Variants in PRKD3 observed in about 807,000 individuals in gnomAD.
PRKD3 encodes protein kinase D3.
In PRKD3, 47 loss-of-function variants were observed where a neutral mutation model predicts 99.2. That is an observed-to-expected ratio of 0.47 (90% CI 0.38 to 0.60). The LOEUF (loss-of-function observed/expected upper bound fraction) is 0.60, where lower values mean the gene tolerates loss of function less well. PRKD3 is among the 20% of genes least tolerant of loss of function. The pLI is 0.00. For missense variants in PRKD3, 1,019 were observed against 1,088.4 expected (o/e 0.94, Z 0.90); for synonymous variants, 392 against 355.4 (o/e 1.10, Z -1.16).
Position 37,252,490 on chromosome 2 carries a change from G to C in PRKD3, c.*687C>G, listed in dbSNP as rs1213076684. 1 of 152,168 alleles carries C rather than the reference G, an allele frequency of 6.6e-6. No homozygotes were observed. The highest frequency in any genetic ancestry group is 2.4e-5 in the African/African-American group (1 of 41,440). 9.4% of individuals were successfully genotyped at this position (152,168 alleles called of 1,614,324 possible). A position where few individuals can be genotyped will look rare whatever the true frequency, so the allele number is the denominator to read the frequency against. ...ATCTTAGAAGCTGTTGCAACACACA[G>C]AAGGTGACAATCCTTATGCTGTATA... On this transcript the variant is annotated 3_prime_UTR_variant, in exon 19 of 19. Coordinates refer to ENST00000234179, the MANE Select transcript of PRKD3 (RefSeq NM_005813.6).
At position 37,316,719 on chromosome 2, in the gene PRKD3, T is replaced by G. The variant is rs917159951; in HGVS notation, c.-195A>C. ...GAGTTGAATGCCCCAAAGGTCCTAT[T>G]TCTCTTAATATCAGTCCCATCAAAA... On this transcript the variant is annotated 5_prime_UTR_variant, in exon 2 of 19. Transcript: ENST00000234179. 1.4e-6 allele frequency: 2 copies of G among 1,416,038 alleles called. No individual in the cohort carries two copies. Among genetic ancestry groups the G allele is most frequent in the Admixed American group, 3.0e-5 (1 of 32,910 alleles). The allele number at this position is 1,416,038 out of a possible 1,614,324, so 87.7% of individuals were successfully genotyped here.
intron 4 of PRKD3, 66 bp downstream of exon 4, chr2:37,290,802 C>A: frequency 1.4e-6 from 2 of 1,465,550 alleles, no homozygotes; most frequent in Admixed American, 4.0e-5. Context: ...TGCTTTTTCA[C>A]TGATAATAAA....
intron 5 of PRKD3, 27 bp from the exon 6 acceptor site, chr2:37,286,396 G>C: frequency 6.3e-7 from 1 of 1,586,244 alleles, no homozygotes; most frequent in Non-Finnish European, 8.6e-7. Flanking sequence ...TTTCATAAGT[G>C]TAAGTCAATA....
intron 2 of PRKD3, among the ~76,000 whole-genome samples, chr2:37,304,762 G>GA (rs545472683): frequency 0.05 from 6,673 of 133,496 alleles, 161 homozygotes; most frequent in African/African-American, 0.058. Context: ...AAAAAGAAAA[G>GA]AAAAAAAAAA....
chr2:37,306,722 T>A (rs1163718305), intron 2 of PRKD3, among the ~76,000 whole-genome samples: 1 of 152,048 alleles, frequency 6.6e-6, no homozygotes, highest in Non-Finnish European at 1.5e-5. Flanking sequence ...GGTGGGAGGA[T>A]CAATTGAGCC....
At chr2:37,264,918 C>A (rs531141432) in intron 14 of PRKD3, among the ~76,000 whole-genome samples, 1 of 152,212 alleles carries the variant, frequency 6.6e-6, no homozygotes, top group South Asian at 2.1e-4. Context: ...TTGGATACTC[C>A]GGGATAAACT....
At position 37,253,214 on chromosome 2, in the gene PRKD3, A is replaced by G. The variant is rs1374597686; in HGVS notation, c.2636T>C (p.Met879Thr). Residue 879 changes from methionine (M) to threonine (T), a missense_variant, in exon 19 of 19, where the codon ATG becomes ACG. By Grantham distance (81) the Met-to-Thr change is moderately conservative. Transcript: ENST00000234179. ...HNLVYPKHFI[M>T]APNPDDMEED... The stretch of plus-strand genomic sequence containing the variant: ...TTCCATATCATCTGGATTAGGAGCC[A>G]TAATGAAGTGCTTTGGGTATACAAG... 2 of 1,611,870 alleles carry G rather than the reference A, an allele frequency of 1.2e-6. No homozygotes were observed. Among genetic ancestry groups the G allele is most frequent in the South Asian group, 1.1e-5 (1 of 90,566 alleles).
chr2:37,313,703 C>T (rs1187472483), intron 2 of PRKD3, among the ~76,000 whole-genome samples: 1 of 152,104 alleles, frequency 6.6e-6, no homozygotes, highest in Non-Finnish European at 1.5e-5. Context: ...AAGTATTAGT[C>T]CCTCACTTAA....
intron 2 of PRKD3, among the ~76,000 whole-genome samples, chr2:37,313,909 C>T (rs1023047870): frequency 1.3e-5 from 2 of 151,982 alleles, no homozygotes; most frequent in Admixed American, 1.3e-4. Flanking sequence ...AACTGTAAGC[C>T]AAGGAACATC....
At position 37,272,429 on chromosome 2, in the gene PRKD3, T is replaced by G. The variant is rs756592977; in HGVS notation, c.1655A>C (p.Asp552Ala). The change falls in exon 12 of 19, where the codon GAT (aspartate) becomes GCT (alanine). Residue 552 changes from aspartate (D) to alanine (A), a missense_variant. Physicochemically the swap from Asp to Ala is moderately radical, Grantham distance 126. Transcript: ENST00000234179. Reference sequence around the variant, plus strand: ...AGATACAGAGATACTTGTAGACAAATCTTCTGTAAAATATAAAAAAGACAA... The same window carrying G: ...AGATACAGAGATACTTGTAGACAAAGCTTCTGTAAAATATAAAAAAGACAA... ...TSPGQGKDHK[D>A]LSTSISVSNC... The G allele has an allele frequency of 6.2e-7, 1 of 1,601,730 alleles. No individual in the cohort carries two copies. The highest frequency in any genetic ancestry group is 1.8e-5 in the Admixed American group (1 of 56,464).
intron 2 of PRKD3, among the ~76,000 whole-genome samples, chr2:37,298,360 C>T (rs890250723): frequency 3.3e-5 from 5 of 151,890 alleles, no homozygotes; most frequent in Admixed American, 6.6e-5. Flanking sequence ...TGTTCTGCAG[C>T]TTGCTCTTTT....
intron 2 of PRKD3, among the ~76,000 whole-genome samples, chr2:37,303,648 G>A (rs1671036865): frequency 6.6e-6 from 1 of 152,088 alleles, no homozygotes; most frequent in African/African-American, 2.4e-5. Context: ...GTGGCGGACT[G>A]AGTAAACAGG....
intron 1 of PRKD3, among the ~76,000 whole-genome samples, chr2:37,321,586 G>A (rs1391450423): frequency 1.3e-5 from 2 of 152,138 alleles, no homozygotes; most frequent in African/African-American, 4.8e-5. Flanking sequence ...TTATTTCCCA[G>A]ACTGTTATGA....
At chr2:37,315,026 TAATG>T (rs1671598476) in intron 2 of PRKD3, among the ~76,000 whole-genome samples, 1 of 152,174 alleles carries the variant, frequency 6.6e-6, no homozygotes, top group South Asian at 2.1e-4. Flanking sequence ...CATCAGAAGA[TAATG>T]AATGATAAAC....
chr2:37,290,314 C>T (rs1670343975), intron 4 of PRKD3, among the ~76,000 whole-genome samples: 1 of 152,132 alleles, frequency 6.6e-6, no homozygotes, highest in African/African-American at 2.4e-5. Flanking sequence ...CTGCAACCTC[C>T]GTCACCCAGG....
rs377373102 is a variant in PRKD3, at chr2:37,316,350, T to C, written c.175A>G (p.Thr59Ala). ...SLTNSRGSVH[T>A]VSFLLQIGLT... ...CCAATTTGCAGTAGAAATGAAACTG[T>C]ATGCACTGAGCCTCTGGAGTTGGTG... Residue 59 changes from threonine to alanine, a missense_variant, in exon 2 of 19, where the codon ACA becomes GCA. Physicochemically the swap from Thr to Ala is moderately conservative, Grantham distance 58. Coordinates refer to ENST00000234179, the MANE Select transcript of PRKD3 (RefSeq NM_005813.6). 16 of 1,614,078 alleles carry C rather than the reference T, an allele frequency of 9.9e-6. No homozygotes were observed. The highest frequency in any genetic ancestry group is 1.3e-5 in the Non-Finnish European group (15 of 1,180,038).
intron 2 of PRKD3, among the ~76,000 whole-genome samples, chr2:37,315,947 A>C (rs186884941): frequency 6.6e-6 from 1 of 152,228 alleles, no homozygotes; most frequent in Non-Finnish European, 1.5e-5. Flanking sequence ...CTGGTCTCGA[A>C]CTCCTGACCT....
intron 14 of PRKD3, among the ~76,000 whole-genome samples, chr2:37,265,360 A>T (rs1366941660): frequency 6.6e-6 from 1 of 152,200 alleles, no homozygotes; most frequent in African/African-American, 2.4e-5. Flanking sequence ...TGTGATTTTT[A>T]AAAAGATTCC....
intron 2 of PRKD3, among the ~76,000 whole-genome samples, chr2:37,296,559 C>T (rs543039532): frequency 4.6e-5 from 7 of 151,672 alleles, no homozygotes; most frequent in East Asian, 1.9e-4. Context: ...TTCTGCTATT[C>T]GTGATTATGA....
Sources: gnomAD v4.1 joint callset for allele counts (sites outside exome capture counted in the v4.1 genomes callset) on GRCh38, gnomAD v4.1.1 for gene constraint, MANE v1.5 for transcripts, NCBI Gene and HGNC (gene_info 2026-07-23, HGNC 2026-07-21) for gene names.